Variants in EPHA5 observed in about 807,000 individuals in gnomAD.
The protein encoded by EPHA5 is ephrin type-A receptor 5.
EPHA5 carries 60 observed loss-of-function variants against 105.0 expected under a neutral mutation model. The observed-to-expected ratio is 0.57, with a 90% confidence interval of 0.46 to 0.71. The LOEUF (loss-of-function observed/expected upper bound fraction) is 0.71, where lower values mean the gene tolerates loss of function less well. EPHA5 is among the 30% of genes least tolerant of loss of function. EPHA5 has a pLI of 0.00. For synonymous variants in EPHA5, 513 were observed against 449.1 expected (o/e 1.14, Z -1.80); for missense variants, 1,218 against 1,274.7 (o/e 0.96, Z 0.68).
intron 15 of EPHA5, among the ~76,000 whole-genome samples, chr4:65,333,559 G>A (rs1365810762): frequency 1.7e-5 from 2 of 120,458 alleles, no homozygotes; most frequent in Non-Finnish European, 3.4e-5. Context: ...GTGTGTGTGT[G>A]TGTGTGTGTG....
chr4:65,613,893 G>A (rs541605796), intron 2 of EPHA5, among the ~76,000 whole-genome samples: 2 of 151,800 alleles, frequency 1.3e-5, no homozygotes, highest in South Asian at 2.1e-4. Context: ...TTTACAATAG[G>A]GATTGACTAT....
intron 5 of EPHA5, among the ~76,000 whole-genome samples, chr4:65,435,405 G>GT (rs1413555295): frequency 6.6e-6 from 1 of 152,042 alleles, no homozygotes; most frequent in African/African-American, 2.4e-5. Flanking sequence ...CATTTGTATG[G>GT]TTTTTTCATC....
chr4:65,413,859 G>A (rs1052651209), intron 7 of EPHA5, among the ~76,000 whole-genome samples: 1 of 152,124 alleles, frequency 6.6e-6, no homozygotes, highest in African/African-American at 2.4e-5. Context: ...GATCAGATTA[G>A]TTCCTGAGAG....
intron 2 of EPHA5, among the ~76,000 whole-genome samples, chr4:65,619,103 G>A (rs1483968549): frequency 1.3e-5 from 2 of 152,118 alleles, no homozygotes; most frequent in East Asian, 1.9e-4. Flanking sequence ...AGCAGAGATC[G>A]CGGCACTGCA....
Position 65,365,021 on chromosome 4 carries a change from G to A in EPHA5, c.2169C>T (p.Thr723=), listed in dbSNP as rs2148887708. 6.2e-7 allele frequency: 1 copy of A among 1,609,562 alleles called. No homozygotes were observed. Among genetic ancestry groups the A allele is most frequent in the Non-Finnish European group, 8.5e-7 (1 of 1,177,198 alleles). Residue 723 remains threonine, a synonymous_variant, in exon 11 of 17, where the codon ACC becomes ACT. Coordinates refer to ENST00000613740, the MANE Select transcript of EPHA5 (RefSeq NM_001281766.3). ...PNIIHLEGVV[T]KSKPVMIVTE... is the part of the protein sequence containing the mutation. ...ATAATTTGCCATCATACTTACTTTT[G>A]GTCACCACACCTTCTAAATGGATGA...
intron 3 of EPHA5, among the ~76,000 whole-genome samples, chr4:65,521,531 A>G (rs1359854610): frequency 6.6e-6 from 1 of 152,080 alleles, no homozygotes; most frequent in African/African-American, 2.4e-5. Context: ...AATAAAAAAA[A>G]GCAAAGGTTA....
At chr4:65,441,996 C>G (rs768223803) in intron 5 of EPHA5, among the ~76,000 whole-genome samples, 3 of 151,998 alleles carry the variant, frequency 2.0e-5, no homozygotes, top group Non-Finnish European at 2.9e-5. Context: ...TTCCAAATAA[C>G]CAAAAGACTT....
At chr4:65,629,557 C>A (rs1746443107) in intron 2 of EPHA5, among the ~76,000 whole-genome samples, 1 of 152,140 alleles carries the variant, frequency 6.6e-6, no homozygotes, top group African/African-American at 2.4e-5. Context: ...TGTAACAACG[C>A]ATTTTTCTCC....
intron 7 of EPHA5, among the ~76,000 whole-genome samples, chr4:65,404,912 A>AT (rs963672087): frequency 2.0e-5 from 3 of 152,044 alleles, no homozygotes; most frequent in Non-Finnish European, 4.4e-5. Context: ...CCCAGATGGG[A>AT]TTTTTTTCCC....
chr4:65,603,641 A>T (rs1743952467), intron 2 of EPHA5, among the ~76,000 whole-genome samples: 1 of 152,166 alleles, frequency 6.6e-6, no homozygotes, highest in South Asian at 2.1e-4. Flanking sequence ...GCAACATCAG[A>T]CAGACATAAG....
intron 7 of EPHA5, among the ~76,000 whole-genome samples, chr4:65,405,813 C>T (rs1289592132): frequency 1.3e-5 from 2 of 152,000 alleles, no homozygotes; most frequent in Non-Finnish European, 2.9e-5. Context: ...AAAACTACCC[C>T]CAGAGTCGCT....
At chr4:65,380,443 C>G (rs1719444505) in intron 8 of EPHA5, among the ~76,000 whole-genome samples, 1 of 151,646 alleles carries the variant, frequency 6.6e-6, no homozygotes, top group South Asian at 2.1e-4. Flanking sequence ...ATGATAACCT[C>G]CTTCCTATGG....
At chr4:65,434,072 A>G (rs929691692) in intron 5 of EPHA5, among the ~76,000 whole-genome samples, 1 of 151,832 alleles carries the variant, frequency 6.6e-6, no homozygotes, top group African/African-American at 2.4e-5. Context: ...TAAAAAAATT[A>G]AAAAATAGCA....
intron 8 of EPHA5, among the ~76,000 whole-genome samples, chr4:65,387,753 A>G (rs894258309): frequency 2.0e-5 from 3 of 152,022 alleles, no homozygotes; most frequent in African/African-American, 7.2e-5. Context: ...TGGAAGTCAT[A>G]CAAATGTAGA....
At position 65,347,867 on chromosome 4, in the gene EPHA5, C is replaced by T. The variant is rs918684855; in HGVS notation, c.2595+187G>A. On this transcript the variant is annotated intron_variant, in intron 14 of 16. Transcript: ENST00000613740. ...TTTTATATAACTGTAACTTACTTTC[C>T]TTTGTAATAACTCATTTTGAGCTCC... Among the ~76,000 whole-genome samples the T allele has an allele frequency of 8.5e-5, 13 of 152,252 alleles. No individual in the cohort carries two copies. The South Asian group carries it at 2.5e-3, about 29-fold the overall frequency.
At chr4:65,533,710 G>T (rs957913163) in intron 3 of EPHA5, among the ~76,000 whole-genome samples, 1 of 152,048 alleles carries the variant, frequency 6.6e-6, no homozygotes, top group Non-Finnish European at 1.5e-5. Flanking sequence ...CGAGGTGGGC[G>T]GATCACCTGA....
intron 8 of EPHA5, among the ~76,000 whole-genome samples, chr4:65,369,140 CAG>C (rs984826259): frequency 2.0e-5 from 3 of 152,056 alleles, no homozygotes; most frequent in East Asian, 1.9e-4. Flanking sequence ...GCACCTGACT[CAG>C]AGTTGGCACT....
At chr4:65,468,948 T>C (rs1729023761) in intron 5 of EPHA5, among the ~76,000 whole-genome samples, 1 of 151,948 alleles carries the variant, frequency 6.6e-6, no homozygotes, top group South Asian at 2.1e-4. Context: ...TGGAGTTCCA[T>C]GGGGAAGTCT....
At chr4:65,392,974 A>C (rs1720871738) in intron 8 of EPHA5, among the ~76,000 whole-genome samples, 1 of 152,198 alleles carries the variant, frequency 6.6e-6, no homozygotes, top group Admixed American at 6.6e-5. Flanking sequence ...TGTGGCTGAA[A>C]GTGTTAAATT....
Sources: allele counts gnomAD v4.1 joint callset (sites outside exome capture counted in the v4.1 genomes callset), GRCh38; gene constraint gnomAD v4.1.1; transcripts MANE v1.5; gene names NCBI Gene and HGNC (gene_info 2026-07-23, HGNC 2026-07-21).